The following NDUFB1 variants were observed in gnomAD, a reference collection of about 807,000 sequenced individuals.
The protein encoded by NDUFB1 is NADH:ubiquinone oxidoreductase subunit B1.
A neutral mutation model predicts 6.7 loss-of-function variants in NDUFB1; 6 were observed. The observed-to-expected ratio is 0.89, with a 90% CI of 0.49 to 1.76. NDUFB1 has a LOEUF of 1.76. NDUFB1 is among the 40% of genes most tolerant of loss of function. NDUFB1 has a pLI of 0.01. For missense variants in NDUFB1, 56 were observed against 71.0 expected (o/e 0.79, Z 0.76); for synonymous variants, 17 against 22.9 (o/e 0.74, Z 0.74).
In NDUFB1 at chr14:92,119,997, G is replaced by A. The variant is rs138681157; in HGVS notation, c.-6+1645C>T. Among the ~76,000 whole-genome samples the A allele has an allele frequency of 1.5e-4, 23 of 152,222 alleles. No homozygotes were observed. In the East Asian group the frequency reaches 4.3e-3, roughly 28 times the overall value. On this transcript the variant is annotated intron_variant, in intron 1 of 2. Coordinates refer to ENST00000605997, the MANE Select transcript of NDUFB1 (RefSeq NM_004545.4). ...GCTGGTCTCAAACTTGTGGCCCCAA[G>A]TTTCACATATGGGGGCATTTTGGAT...
At chr14:92,120,646 G>A (rs2068751764) in intron 1 of NDUFB1, among the ~76,000 whole-genome samples, 1 of 150,684 alleles carries the variant, frequency 6.6e-6, no homozygotes, top group African/African-American at 2.4e-5. Context: ...CACCGCGCCC[G>A]GCCGTTCAAG....
intron 1 of NDUFB1, among the ~76,000 whole-genome samples, chr14:92,119,502 T>C (rs2141439083): frequency 6.6e-6 from 1 of 152,304 alleles, no homozygotes; most frequent in South Asian, 2.1e-4. Flanking sequence ...AGCCCATGCC[T>C]AAGAAACCCC....
chr14:92,117,367 C>G, intron 2 of NDUFB1, 131 bp downstream of exon 2: 1 of 921,028 alleles, frequency 1.1e-6, no homozygotes, highest in Admixed American at 1.9e-5. Flanking sequence ...ACAAACAAGA[C>G]TAAAAACAGT....
intron 1 of NDUFB1, 170 bp downstream of exon 1, chr14:92,121,472 C>G (rs143408483): frequency 1.0e-6 from 1 of 975,012 alleles, no homozygotes; most frequent in Non-Finnish European, 1.5e-6. Context: ...ATCCCATCCT[C>G]CACCCGAAGA....
chr14:92,116,860 T>C (rs2068721168), intron 2 of NDUFB1, among the ~76,000 whole-genome samples: 1 of 152,246 alleles, frequency 6.6e-6, no homozygotes, highest in South Asian at 2.1e-4. Context: ...ATTTTCTTTC[T>C]TGAAATCCCT....
Position 92,117,553 on chromosome 14 carries a change from T to A in NDUFB1, c.85A>T (p.Arg29Ter), listed in dbSNP as rs2068724889. ...MGFVIGCYLD[R>*]KSDERLTAFR... The stretch of plus-strand genomic sequence containing the variant: ...GCAGTTAGCCGTTCATCACTCTTTC[T>A]GTCTAAATAACATCCAATGACAAAT... Residue 29 changes from arginine to a stop codon, truncating the protein, a stop_gained, in exon 2 of 3, where the codon AGA becomes TGA. Coordinates refer to ENST00000605997, the MANE Select transcript of NDUFB1 (RefSeq NM_004545.4). LOFTEE classifies it high-confidence loss of function. 1 of 1,613,838 alleles carries A rather than the reference T, an allele frequency of 6.2e-7. No homozygotes were observed. Among genetic ancestry groups the A allele is most frequent in the Non-Finnish European group, 8.5e-7 (1 of 1,179,976 alleles).
intron 1 of NDUFB1, chr14:92,120,349 C>CTTTTT (rs768894951): frequency 0.19 from 26,969 of 142,892 alleles, 2,828 homozygotes; most frequent in East Asian, 0.28. Flanking sequence ...TTTTTCTTTC[C>CTTTTT]TTTTTTTTTT....
chr14:92,117,502 T>C lies in NDUFB1; in HGVS notation c.136A>G (p.Lys46Glu). ...TTTAAAAAAATGCAGACTAACCTTT[T>C]AAATAACATACTCTTGTTCCGGAAG... The part of the protein sequence containing the change: ...TAFRNKSMLF[K>E]RELQPSEEVT... The change falls in exon 2 of 3, where the codon AAA (lysine) becomes GAA (glutamate). Residue 46 changes from lysine to glutamate, a missense_variant. Coordinates refer to ENST00000605997, the MANE Select transcript of NDUFB1 (RefSeq NM_004545.4). 1 of 1,612,458 alleles carries C rather than the reference T, an allele frequency of 6.2e-7. No individual in the cohort carries two copies. The highest frequency in any genetic ancestry group is 8.5e-7 in the Non-Finnish European group (1 of 1,179,962).
At chr14:92,121,085 C>T (rs2141440999) in intron 1 of NDUFB1, 1 of 155,842 alleles carries the variant, frequency 6.4e-6, no homozygotes, top group Non-Finnish European at 1.4e-5. Context: ...TCGCTTGAAC[C>T]CGGGAGGCGG....
Position 92,121,701 on chromosome 14 carries a change from G to A in NDUFB1, c.-65C>T, listed in dbSNP as rs1338006962. 6.2e-6 allele frequency: 10 copies of A among 1,613,524 alleles called. No homozygotes were observed. The highest frequency in any genetic ancestry group is 8.5e-6 in the Non-Finnish European group (10 of 1,179,966). On this transcript the variant is annotated 5_prime_UTR_variant, in exon 1 of 3. Transcript: ENST00000605997. ...AAGGGCAACAGGGAACTCAACCCGC[G>A]CCAGTGGAAGCTGCGACCTCGGGAC... is the stretch of plus-strand genomic sequence containing the variant.
At chr14:92,119,697 T>A (rs966852462) in intron 1 of NDUFB1, among the ~76,000 whole-genome samples, 1 of 152,200 alleles carries the variant, frequency 6.6e-6, no homozygotes, top group Non-Finnish European at 1.5e-5. Context: ...TAGGACCGAA[T>A]TAAAACATAA....
intron 1 of NDUFB1, chr14:92,118,526 AC>A (rs1393073488): frequency 6.6e-6 from 1 of 152,234 alleles, no homozygotes; most frequent in Non-Finnish European, 1.5e-5. Flanking sequence ...CAATGCAAAA[AC>A]AAATTTAATA....
chr14:92,116,264 A>C, intron 2 of NDUFB1, 35 bp from the exon 3 acceptor site: 2 of 1,587,240 alleles, frequency 1.3e-6, no homozygotes, highest in Non-Finnish European at 1.7e-6. Context: ...AAATGGAAAA[A>C]CTGTAAATAA....
chr14:92,116,334 T>TTTTC lies in NDUFB1; in HGVS notation c.141-106_141-105insGAAA, dbSNP rs1567010653. ...AATGATTGCAATATTTCATTTTCTT[T>TTTTC]TTTTTTTTTTTTTTTTTGAGACGAA... On this transcript the variant is annotated intron_variant, in intron 2 of 2. Coordinates refer to ENST00000605997, the MANE Select transcript of NDUFB1 (RefSeq NM_004545.4). 1.5e-4 allele frequency: 108 copies of TTTTC among 700,862 alleles called. No individual in the cohort carries two copies. The African/African-American group carries it at 1.9e-3, about 12-fold the overall frequency. The allele number at this position is 700,862 out of a possible 1,614,324, so 43.4% of individuals were successfully genotyped here.
At chr14:92,121,391 G>C (rs1454560904) in intron 1 of NDUFB1, 3 of 604,954 alleles carry the variant, frequency 5.0e-6, no homozygotes, top group Non-Finnish European at 8.6e-6. Context: ...CGGTCACTGG[G>C]TCACATCTCT....
Position 92,116,201 on chromosome 14 carries a change from AG to A in NDUFB1, c.168del (p.Trp57GlyfsTer14). 6.2e-7 allele frequency: 1 copy of A among 1,612,968 alleles called. No homozygotes were observed. On this transcript the variant is annotated frameshift_variant, in exon 3 of 3. Coordinates refer to ENST00000605997, the MANE Select transcript of NDUFB1 (RefSeq NM_004545.4). LOFTEE classifies it high-confidence loss of function. Reference sequence around the variant, plus strand: ...GATAATCTAGCCAGTCTTTACTTCCAGGTAACTTCTTCACTGGGTTGCAATT... The same window carrying A: ...GATAATCTAGCCAGTCTTTACTTCCAGTAACTTCTTCACTGGGTTGCAATT... ...KRELQPSEEV[T>X]WK
chr14:92,117,910 ATTGC>A, intron 1 of NDUFB1: 1 of 385,316 alleles, frequency 2.6e-6, no homozygotes, highest in South Asian at 2.3e-5. Flanking sequence ...AGGCAGGAGA[ATTGC>A]TTGAACCCAG....
chr14:92,118,954 A>G, intron 1 of NDUFB1: 1 of 377,818 alleles, frequency 2.6e-6, no homozygotes, highest in Admixed American at 3.6e-5. Flanking sequence ...AGCCTGGGGG[A>G]TACAGCGAGT....
chr14:92,116,331 C>CTTTTTT lies in NDUFB1; in HGVS notation c.141-108_141-103dup, dbSNP rs35571568. 865 of 498,218 alleles carry CTTTTTT rather than the reference C, an allele frequency of 1.7e-3. 5 individuals are homozygous for CTTTTTT. Among genetic ancestry groups the CTTTTTT allele is most frequent in the African/African-American group, 2.0e-3 (73 of 35,940 alleles). The allele number at this position is 498,218 out of a possible 1,614,324, so 30.9% of individuals were successfully genotyped here. The stretch of plus-strand genomic sequence containing the variant: ...AAGAATGATTGCAATATTTCATTTT[C>CTTTTTT]TTTTTTTTTTTTTTTTTTTTGAGAC... On this transcript the variant is annotated intron_variant, in intron 2 of 2. Transcript: ENST00000605997.
Sources: allele counts gnomAD v4.1 joint callset (sites outside exome capture counted in the v4.1 genomes callset), GRCh38; gene constraint gnomAD v4.1.1; transcripts MANE v1.5; gene names NCBI Gene and HGNC (gene_info 2026-07-23, HGNC 2026-07-21).